Variants in MED22 observed in about 807,000 individuals in gnomAD.
MED22 encodes mediator complex subunit 22, also known as mediator of RNA polymerase II transcription subunit 22.
Under a neutral mutation model 22.7 loss-of-function variants are expected in MED22, and 22 were observed. The ratio of observed to expected loss-of-function variants is 0.97; its 90% confidence interval spans 0.69 to 1.38. The LOEUF (loss-of-function observed/expected upper bound fraction) is 1.38, where lower values mean the gene tolerates loss of function less well. Ranked by LOEUF, MED22 falls within the 40% of genes most tolerant of loss-of-function variation. MED22 has a pLI of 0.00. For missense variants in MED22, 247 were observed against 263.0 expected (o/e 0.94, Z 0.42); for synonymous variants, 134 against 119.4 (o/e 1.12, Z -0.80).
rs138992095 is a variant in MED22, at chr9:133,340,452, C to T, written c.*1053G>A. The T allele has an allele frequency of 0.066, 10,092 of 151,768 alleles. 437 individuals carry two copies. The highest frequency in any genetic ancestry group is 0.1 in the Non-Finnish European group (6,963 of 67,946). The allele number at this position is 151,768 out of a possible 1,614,324, so 9.4% of individuals were successfully genotyped here. ...GGAACTGGGGTGGGGTGCTCCCCCA[C>T]ACTTCCTGTGGACGAACTGTGCTCC... On this transcript the variant is annotated 3_prime_UTR_variant, in exon 5 of 5. Coordinates refer to ENST00000343730, the MANE Select transcript of MED22 (RefSeq NM_133640.5).
rs1404746129 is a variant in MED22 at position 133,341,364 on chromosome 9, G to A, written c.*141C>T. ...CTGGCGGGACCCACCCTGGGCTAACGGGCTTCCCAAGGAAGTCCTAGTGGC... is the reference window on the plus strand; with the variant it reads ...CTGGCGGGACCCACCCTGGGCTAACAGGCTTCCCAAGGAAGTCCTAGTGGC... On this transcript the variant is annotated 3_prime_UTR_variant, in exon 5 of 5. Coordinates refer to ENST00000343730, the MANE Select transcript of MED22 (RefSeq NM_133640.5). 1.7e-5 allele frequency: 16 copies of A among 919,474 alleles called. No homozygotes were observed. Among genetic ancestry groups the A allele is most frequent in the African/African-American group, 7.1e-5 (4 of 56,430 alleles). 57.0% of individuals were successfully genotyped at this position (919,474 alleles called of 1,614,324 possible).
chr9:133,338,706 T>C lies in MED22; in HGVS notation c.*2799A>G, dbSNP rs1835943890. Reference sequence around the variant, plus strand: ...ATCCGCCCGCCTTGGCCTCCCAAAGTGCTGGGGTTGCAGGCGTAAGCCACC... The same window carrying C: ...ATCCGCCCGCCTTGGCCTCCCAAAGCGCTGGGGTTGCAGGCGTAAGCCACC... On this transcript the variant is annotated 3_prime_UTR_variant, in exon 5 of 5. Coordinates refer to ENST00000343730, the MANE Select transcript of MED22 (RefSeq NM_133640.5). 3.4e-6 allele frequency: 1 copy of C among 293,462 alleles called. No homozygotes were observed. The highest frequency in any genetic ancestry group is 4.2e-5 in the Admixed American group (1 of 23,534). The allele number at this position is 293,462 out of a possible 1,614,324, so 18.2% of individuals were successfully genotyped here. A position where few individuals can be genotyped will look rare whatever the true frequency, so the allele number is the denominator to read the frequency against.
At chr9:133,343,806 C>T (rs982112468) in intron 4 of MED22, 11 of 1,398,324 alleles carry the variant, frequency 7.9e-6, no homozygotes, top group Non-Finnish European at 1.0e-5. Flanking sequence ...ACGCACTGCC[C>T]GAGGAGGAAG....
rs2129961641 is a variant in MED22 at position 133,344,369 on chromosome 9, G to A, written c.205-36C>T. The A allele has an allele frequency of 5.6e-6, 9 of 1,608,648 alleles. No individual in the cohort carries two copies. In the South Asian group the frequency reaches 8.8e-5, roughly 16 times the overall value. On this transcript the variant is annotated intron_variant, in intron 3 of 4. Coordinates refer to ENST00000343730, the MANE Select transcript of MED22 (RefSeq NM_133640.5). The stretch of plus-strand genomic sequence containing the variant: ...CAGAACCAGGGCGGGCACAGGGTGA[G>A]GGGGGACAGCGGCCTTGCCTACAAG...
At chr9:133,343,561 G>A (rs1836078320) in intron 4 of MED22, 4 of 1,241,886 alleles carry the variant, frequency 3.2e-6, no homozygotes, top group African/African-American at 1.5e-5. Context: ...GGCTGAGTGG[G>A]TCACGAATTG....
At chr9:133,343,754 A>G in intron 4 of MED22, 1 of 1,324,288 alleles carries the variant, frequency 7.6e-7, no homozygotes, top group Non-Finnish European at 9.6e-7. Context: ...TGAAATCTCT[A>G]CATATGGATT....
chr9:133,341,863 C>T, intron 4 of MED22, 169 bp from the exon 5 acceptor site: 4 of 1,389,514 alleles, frequency 2.9e-6, no homozygotes, highest in South Asian at 1.7e-5. Context: ...GCAGGCCTGG[C>T]AAGGAGAGGC....
chr9:133,344,931 T>C (rs1035419864), intron 3 of MED22, among the ~76,000 whole-genome samples: 2 of 152,208 alleles, frequency 1.3e-5, no homozygotes, highest in Admixed American at 6.5e-5. Flanking sequence ...GGTGGCTCTC[T>C]GCCCAGCCCT....
chr9:133,345,306 C>G (rs1836149553), intron 2 of MED22, 54 bp from the exon 3 acceptor site: 96 of 1,562,526 alleles, frequency 6.1e-5, no homozygotes, highest in Non-Finnish European at 7.5e-5. Context: ...ATCCCCACCC[C>G]TGGCCCGGCC....
At chr9:133,341,801 C>T (rs2129951027) in intron 4 of MED22, 107 bp from the exon 5 acceptor site, 2 of 1,486,444 alleles carry the variant, frequency 1.3e-6, no homozygotes, top group African/African-American at 3.0e-5. Flanking sequence ...CGACCACACC[C>T]CAGACCTGCC....
chr9:133,345,091 GC>G (rs1350490056), intron 3 of MED22, 80 bp downstream of exon 3: 1 of 1,391,016 alleles, frequency 7.2e-7, no homozygotes. Context: ...CAGCCCCAGA[GC>G]CCCCTCCACT....
Position 133,346,036 on chromosome 9 carries a change from C to G in MED22, c.123+504G>C, listed in dbSNP as rs116917334. On this transcript the variant is annotated intron_variant, in intron 2 of 4. Coordinates refer to ENST00000343730, the MANE Select transcript of MED22 (RefSeq NM_133640.5). ...CCTCACAACGTGGCTTGATACATGG[C>G]AAGCACTAAGTACATGCTAGCTTCC... Among the ~76,000 whole-genome samples, 33 of 152,356 alleles carry G rather than the reference C, an allele frequency of 2.2e-4. No individual in the cohort carries two copies. The East Asian group carries it at 2.9e-3, about 13-fold the overall frequency.
Position 133,345,171 on chromosome 9 carries a change from C to A in MED22, c.204+1G>T. 6.2e-7 allele frequency: 1 copy of A among 1,613,902 alleles called. No homozygotes were observed. The highest frequency in any genetic ancestry group is 8.5e-7 in the Non-Finnish European group (1 of 1,180,004). ...CCGTGCCCTCCACCCTGGCCACTCA[C>A]GATGTTGGCGGCTCGCACATGCATC... On this transcript the variant is annotated splice_donor_variant, in intron 3 of 4. Coordinates refer to ENST00000343730, the MANE Select transcript of MED22 (RefSeq NM_133640.5). LOFTEE classifies it high-confidence loss of function.
rs1588678705 is a variant in MED22 at position 133,342,827 on chromosome 9, C to G, written c.414-1133G>C. On this transcript the variant is annotated intron_variant, in intron 4 of 4. Transcript: ENST00000343730. The stretch of plus-strand genomic sequence containing the variant: ...GGCACAGATGTCCTGGGTTTGCGCC[C>G]TGCTCTGCTGCAGGGCCGTGAGCAG... 1.1e-5 allele frequency: 11 copies of G among 985,632 alleles called. No individual in the cohort carries two copies. The South Asian group carries it at 2.3e-4, about 21-fold the overall frequency. 61.1% of individuals were successfully genotyped at this position (985,632 alleles called of 1,614,324 possible).
rs1259234690 is a variant in MED22, at chr9:133,338,615, A to G, written c.*2890T>C. 1.1e-5 allele frequency: 2 copies of G among 176,330 alleles called. No homozygotes were observed. The highest frequency in any genetic ancestry group is 2.8e-5 in the African/African-American group (1 of 35,714). 10.9% of individuals were successfully genotyped at this position (176,330 alleles called of 1,614,324 possible). A position where few individuals can be genotyped will look rare whatever the true frequency, so the allele number is the denominator to read the frequency against. On this transcript the variant is annotated 3_prime_UTR_variant, in exon 5 of 5. Transcript: ENST00000343730. The stretch of plus-strand genomic sequence containing the variant: ...GCCACCGCGCCCGGCCAATTTCTAT[A>G]CTTTTTAGTAGAGACAGGGTTTCTC...
Position 133,346,657 on chromosome 9 carries a change from G to C in MED22, c.6C>G (p.Ala2=). The C allele has an allele frequency of 6.2e-7, 1 of 1,611,722 alleles. No individual in the cohort carries two copies. The highest frequency in any genetic ancestry group is 8.5e-7 in the Non-Finnish European group (1 of 1,179,942). M[A]QQRALPQSKE... ...TGCTCTGGGGCAGGGCTCTCTGCTG[G>C]GCCATGGCCGAGCCTCAAGCAGCGC... The change falls in exon 2 of 5, where the codon GCC becomes GCG. Residue 2 remains alanine, a synonymous_variant. Coordinates refer to ENST00000343730, the MANE Select transcript of MED22 (RefSeq NM_133640.5).
chr9:133,346,712 C>A lies in MED22; in HGVS notation c.-38-12G>T. ...GGGAGACCTGGGACCTAGAGTGCAGCACAGACCTCTGAGTGCAGGCAGAGT... is the reference window on the plus strand; with the variant it reads ...GGGAGACCTGGGACCTAGAGTGCAGAACAGACCTCTGAGTGCAGGCAGAGT... On this transcript the variant is annotated splice_polypyrimidine_tract_variant and intron_variant, in intron 1 of 4. Transcript: ENST00000343730. 6.3e-7 allele frequency: 1 copy of A among 1,597,226 alleles called. No individual in the cohort carries two copies. Among genetic ancestry groups the A allele is most frequent in the South Asian group, 1.1e-5 (1 of 90,462 alleles).
chr9:133,343,005 C>A (rs1836058004), intron 4 of MED22: 2 of 986,128 alleles, frequency 2.0e-6, no homozygotes, highest in African/African-American at 3.5e-5. Flanking sequence ...GTCTGAAACA[C>A]CCCAGGACCC....
Position 133,341,510 on chromosome 9 carries a change from C to T in MED22, c.598G>A (p.Ala200Thr), listed in dbSNP as rs2129948726. 90 of 1,510,652 alleles carry T rather than the reference C, an allele frequency of 6.0e-5. No homozygotes were observed. The highest frequency in any genetic ancestry group is 7.2e-5 in the Non-Finnish European group (82 of 1,140,108). 93.6% of individuals were successfully genotyped at this position (1,510,652 alleles called of 1,614,324 possible). ...HAGGPGPTEH[A>T] ...CGAAGCGTGGCCCCGGAGGCTCAGG[C>T]GTGCTCAGTGGGGCCAGGGCCACCA... Residue 200 changes from alanine (A) to threonine (T), a missense_variant, in exon 5 of 5, where the codon GCC becomes ACC. Physicochemically the swap from Ala to Thr is moderately conservative, Grantham distance 58. Coordinates refer to ENST00000343730, the MANE Select transcript of MED22 (RefSeq NM_133640.5).
Sources: gnomAD v4.1 joint callset for allele counts (sites outside exome capture counted in the v4.1 genomes callset) on GRCh38, gnomAD v4.1.1 for gene constraint, MANE v1.5 for transcripts, NCBI Gene and HGNC (gene_info 2026-07-23, HGNC 2026-07-21) for gene names.